The following ADAMTS14 variants were observed in gnomAD, a reference collection of about 807,000 sequenced individuals.
ADAMTS14 encodes A disintegrin and metalloproteinase with thrombospondin motifs 14.
In ADAMTS14, 100 loss-of-function variants were observed where a neutral mutation model predicts 128.6. The observed-to-expected ratio is 0.78, with a 90% CI of 0.66 to 0.92. ADAMTS14 has a LOEUF of 0.92. Ranked by LOEUF, ADAMTS14 falls within the 40% of genes least tolerant of loss-of-function variation. The probability of loss-of-function intolerance (pLI) is 0.00; values close to 1 mark genes in which losing one functional copy is unlikely to be tolerated. For missense variants in ADAMTS14, 1,562 were observed against 1,658.6 expected, an observed-to-expected ratio of 0.94 and a Z score of 1.01; for synonymous variants, 665 against 653.8, an observed-to-expected ratio of 1.02 and a Z score of -0.26.
At position 70,731,718 on chromosome 10, in the gene ADAMTS14, C is replaced by T. The variant is rs574078025; in HGVS notation, c.1103-536C>T. On this transcript the variant is annotated intron_variant, in intron 6 of 21. Transcript: ENST00000373207. ...CCCTTTCCCCTTCCTCCAGCTCCCC[C>T]GCTGCACCCTGGCTTGCTTCTTGAA... 2.7e-4 allele frequency among the ~76,000 whole-genome samples: 41 copies of T among 152,336 alleles called. 1 individual carries two copies. The highest frequency in any genetic ancestry group is 7.7e-4 in the African/African-American group (32 of 41,578).
intron 6 of ADAMTS14, among the ~76,000 whole-genome samples, 161 bp from the exon 7 acceptor site, chr10:70,732,093 T>C (rs1841657184): frequency 6.6e-6 from 1 of 151,920 alleles, no homozygotes; most frequent in Admixed American, 6.6e-5. Context: ...TTGGCCCAGG[T>C]TTGTTTGGCT....
At chr10:70,718,316 T>TA (rs948508900) in intron 4 of ADAMTS14, among the ~76,000 whole-genome samples, 1 of 152,104 alleles carries the variant, frequency 6.6e-6, no homozygotes, top group Non-Finnish European at 1.5e-5. Flanking sequence ...TTGTGAAAAG[T>TA]AAAAAAACTC....
In ADAMTS14 at chr10:70,689,158, G is replaced by T. The variant is rs557051396; in HGVS notation, c.523-13154G>T. Among the ~76,000 whole-genome samples the T allele has an allele frequency of 1.4e-5, 2 of 143,162 alleles. 1 individual carries two copies. The allele number at this position is 143,162 out of a possible 152,430, so 93.9% of individuals were successfully genotyped here. A position where few individuals can be genotyped will look rare whatever the true frequency, so the allele number is the denominator to read the frequency against. On this transcript the variant is annotated intron_variant, in intron 2 of 21. Transcript: ENST00000373207. ...TCACTTCAAAATTCATAGTCCCCGC[G>T]TAGGGAGATGCTAGGTAAAATATGC...
chr10:70,745,210 T>C lies in ADAMTS14; in HGVS notation c.2183-16T>C. On this transcript the variant is annotated splice_polypyrimidine_tract_variant and intron_variant, in intron 14 of 21. Coordinates refer to ENST00000373207, the MANE Select transcript of ADAMTS14 (RefSeq NM_080722.4). Reference sequence around the variant, plus strand: ...GCTTAGGATGCTCACGACTTCTGGATCCCTGTGTGTGGCAGGAGCTCTCAA... The same window carrying C: ...GCTTAGGATGCTCACGACTTCTGGACCCCTGTGTGTGGCAGGAGCTCTCAA... 6.2e-7 allele frequency: 1 copy of C among 1,608,622 alleles called. No individual in the cohort carries two copies. Among genetic ancestry groups the C allele is most frequent in the Non-Finnish European group, 8.5e-7 (1 of 1,177,782 alleles).
At chr10:70,730,536 C>A (rs1022802174) in intron 6 of ADAMTS14, among the ~76,000 whole-genome samples, 2 of 152,190 alleles carry the variant, frequency 1.3e-5, no homozygotes, top group African/African-American at 4.8e-5. Context: ...TGCTGGAAGA[C>A]CCTCCATGGG....
rs950955329 is a variant in ADAMTS14 at position 70,690,003 on chromosome 10, G to A, written c.523-12309G>A. ...TGTCACATATTTCTAGTTATTTATCGCCTGTCACCACCCTGCTGTAGAATG... is the reference window on the plus strand; with the variant it reads ...TGTCACATATTTCTAGTTATTTATCACCTGTCACCACCCTGCTGTAGAATG... On this transcript the variant is annotated intron_variant, in intron 2 of 21. Coordinates refer to ENST00000373207, the MANE Select transcript of ADAMTS14 (RefSeq NM_080722.4). Among the ~76,000 whole-genome samples, 6 of 144,888 alleles carry A rather than the reference G, an allele frequency of 4.1e-5. 1 individual carries two copies. The South Asian group carries it at 8.9e-4, about 21-fold the overall frequency.
chr10:70,752,059 CT>C (rs1564559265), intron 17 of ADAMTS14, 35 bp from the exon 18 acceptor site: 1 of 1,586,318 alleles, frequency 6.3e-7, no homozygotes, highest in South Asian at 1.2e-5. Context: ...GGGGGCCTGG[CT>C]GGACTAGGCC....
Position 70,741,179 on chromosome 10 carries a change from C to G in ADAMTS14, c.1924+17C>G, listed in dbSNP as rs777259752. 3.1e-6 allele frequency: 5 copies of G among 1,609,976 alleles called. 1 individual carries two copies. In the South Asian group the frequency reaches 5.5e-5, roughly 18 times the overall value. ...CTGACGATGGTGAGTGGGCCCCACCCCCCTCCCACTCCATGTCCTTAGGCA... is the reference window on the plus strand; with the variant it reads ...CTGACGATGGTGAGTGGGCCCCACCGCCCTCCCACTCCATGTCCTTAGGCA... On this transcript the variant is annotated intron_variant, in intron 12 of 21. Coordinates refer to ENST00000373207, the MANE Select transcript of ADAMTS14 (RefSeq NM_080722.4).
Position 70,754,026 on chromosome 10 carries a change from G to A in ADAMTS14, c.2937+19G>A. On this transcript the variant is annotated intron_variant, in intron 19 of 21. Transcript: ENST00000373207. The stretch of plus-strand genomic sequence containing the variant: ...GTCCCAGGTGACTTGTCCTCAGGAG[G>A]TGGGAGGGGCTTGGGGAGGAGGTGG... 1 of 1,530,224 alleles carries A rather than the reference G, an allele frequency of 6.5e-7. No homozygotes were observed. Among genetic ancestry groups the A allele is most frequent in the Non-Finnish European group, 8.8e-7 (1 of 1,139,942 alleles). The allele number at this position is 1,530,224 out of a possible 1,614,324, so 94.8% of individuals were successfully genotyped here.
At chr10:70,717,507 T>G (rs935404092) in intron 4 of ADAMTS14, among the ~76,000 whole-genome samples, 3 of 152,046 alleles carry the variant, frequency 2.0e-5, no homozygotes, top group Non-Finnish European at 4.4e-5. Context: ...GGCAGCAGTA[T>G]GGACTGTGGC....
intron 2 of ADAMTS14, among the ~76,000 whole-genome samples, chr10:70,685,987 G>A (rs985021786): frequency 1.4e-4 from 21 of 152,184 alleles, no homozygotes; most frequent in African/African-American, 4.8e-4. Flanking sequence ...TGCTCAAACG[G>A]AACCTTCTGG....
chr10:70,673,361 C>T (rs1328723183), intron 1 of ADAMTS14, among the ~76,000 whole-genome samples: 2 of 152,162 alleles, frequency 1.3e-5, no homozygotes, highest in African/African-American at 4.8e-5. Flanking sequence ...GGCACTCACG[C>T]TCCTGCACAG....
At chr10:70,702,619 GAA>G in intron 3 of ADAMTS14, 151 bp downstream of exon 3, 1 of 1,092,886 alleles carries the variant, frequency 9.2e-7, no homozygotes, top group Non-Finnish European at 1.3e-6. Context: ...TACTGGCAGA[GAA>G]ACCCCATTGC....
chr10:70,714,977 C>G, intron 4 of ADAMTS14, among the ~76,000 whole-genome samples: 1 of 122,234 alleles, frequency 8.2e-6, no homozygotes, highest in South Asian at 2.7e-4. Context: ...AAAAAAGAAA[C>G]AAAACCTGGG....
rs373298469 is a variant in ADAMTS14 at position 70,690,656 on chromosome 10, C to T, written c.523-11656C>T. 8.3e-5 allele frequency among the ~76,000 whole-genome samples: 12 copies of T among 145,164 alleles called. No individual in the cohort carries two copies. In the East Asian group the frequency reaches 1.9e-3, roughly 24 times the overall value. On this transcript the variant is annotated intron_variant, in intron 2 of 21. Transcript: ENST00000373207. ...GGGCCAGGCTGCTGTAGGGCTCATTCGGAGGGGAGGCCTGGCTGGGACAGT... is the reference window on the plus strand; with the variant it reads ...GGGCCAGGCTGCTGTAGGGCTCATTTGGAGGGGAGGCCTGGCTGGGACAGT...
At chr10:70,672,994 G>A in intron 1 of ADAMTS14, 110 bp downstream of exon 1, 3 of 1,312,982 alleles carry the variant, frequency 2.3e-6, no homozygotes, top group Non-Finnish European at 2.9e-6. Context: ...GTGGGAGGCA[G>A]TATGCACACT....
At chr10:70,686,274 C>CTTTTTT (rs5785998) in intron 2 of ADAMTS14, among the ~76,000 whole-genome samples, 33 of 125,312 alleles carry the variant, frequency 2.6e-4, no homozygotes, top group Middle Eastern at 4.3e-3. Flanking sequence ...TCAGCCTTTG[C>CTTTTTT]TTTTTTTTTT....
intron 2 of ADAMTS14, among the ~76,000 whole-genome samples, chr10:70,693,147 G>A (rs931061830): frequency 2.0e-5 from 3 of 152,144 alleles, no homozygotes; most frequent in Non-Finnish European, 4.4e-5. Context: ...AACTGAGTGA[G>A]AACTCACTTA....
At chr10:70,695,618 T>A (rs1215607517) in intron 2 of ADAMTS14, among the ~76,000 whole-genome samples, 3 of 152,132 alleles carry the variant, frequency 2.0e-5, no homozygotes, top group Admixed American at 6.5e-5. Context: ...CCTCCTTGAT[T>A]TTGGGGTAGA....
Sources: allele counts gnomAD v4.1 joint callset (sites outside exome capture counted in the v4.1 genomes callset), GRCh38; gene constraint gnomAD v4.1.1; transcripts MANE v1.5; gene names NCBI Gene and HGNC (gene_info 2026-07-23, HGNC 2026-07-21).